VEGFC: variants seen among roughly 807,000 people sequenced by gnomAD.
VEGFC encodes FLT4 ligand DHM.
A neutral mutation model predicts 46.1 loss-of-function variants in VEGFC; 12 were observed. The observed-to-expected ratio is 0.26, with a 90% CI of 0.17 to 0.42. VEGFC has a LOEUF of 0.42. Ranked by LOEUF, VEGFC falls within the 10% of genes least tolerant of loss-of-function variation. The pLI is 1.00. For missense variants in VEGFC, 488 were observed against 529.4 expected, an observed-to-expected ratio of 0.92 and a Z score of 0.77; for synonymous variants, 232 against 195.5, an observed-to-expected ratio of 1.19 and a Z score of -1.56.
intron 6 of VEGFC, among the ~76,000 whole-genome samples, chr4:176,685,790 T>C (rs573710939): frequency 2.0e-5 from 3 of 152,232 alleles, no homozygotes; most frequent in East Asian, 3.9e-4. Flanking sequence ...AAAATAAAAT[T>C]ATACCTATGA....
chr4:176,727,871 T>C lies in VEGFC; in HGVS notation c.459A>G (p.Lys153=). The change falls in exon 3 of 7, where the codon AAA becomes AAG. Residue 153 remains lysine (K), a synonymous_variant. Transcript: ENST00000618562. ...ATCTGTAGACGGACACACATGGAGG[T>C]TTAAAGAAGGTGTTTGTCGCGACTC... ...EFGVATNTFF[K]PPCVSVYRCG... 6.2e-7 allele frequency: 1 copy of C among 1,612,854 alleles called. No homozygotes were observed. The highest frequency in any genetic ancestry group is 8.5e-7 in the Non-Finnish European group (1 of 1,179,556).
At chr4:176,720,397 AT>A (rs1228403768) in intron 3 of VEGFC, among the ~76,000 whole-genome samples, 3 of 152,174 alleles carry the variant, frequency 2.0e-5, no homozygotes, top group Non-Finnish European at 4.4e-5. Flanking sequence ...AAATCAGCAT[AT>A]TCAAAATTTG....
chr4:176,726,029 T>C (rs1734868940), intron 3 of VEGFC, among the ~76,000 whole-genome samples: 1 of 152,142 alleles, frequency 6.6e-6, no homozygotes, highest in Non-Finnish European at 1.5e-5. Flanking sequence ...TAAAGTAGTA[T>C]TAATTTATTT....
At position 176,792,527 on chromosome 4, in the gene VEGFC, C is replaced by T; in HGVS notation, c.-216G>A. The T allele has an allele frequency of 2.5e-6, 1 of 400,046 alleles. No homozygotes were observed. Among genetic ancestry groups the T allele is most frequent in the South Asian group, 8.4e-5 (1 of 11,940 alleles). 24.8% of individuals were successfully genotyped at this position (400,046 alleles called of 1,614,324 possible). ...CCCAGCCAGTGCCGGGGAAAGGCGGCGGGTGTCAGGTAAAAGCCTCACAGG... is the reference window on the plus strand; with the variant it reads ...CCCAGCCAGTGCCGGGGAAAGGCGGTGGGTGTCAGGTAAAAGCCTCACAGG... On this transcript the variant is annotated 5_prime_UTR_variant, in exon 1 of 7. Transcript: ENST00000618562. This position sits in a 1 kb window ranked among gnomAD's most constrained non-coding sequence, Gnocchi z 6.3.
chr4:176,753,903 T>G (rs1735390180), intron 1 of VEGFC, among the ~76,000 whole-genome samples: 1 of 152,134 alleles, frequency 6.6e-6, no homozygotes, highest in African/African-American at 2.4e-5. Context: ...CACTATTATT[T>G]GCTAACAAAG....
At chr4:176,712,855 T>C (rs1307074323) in intron 3 of VEGFC, among the ~76,000 whole-genome samples, 2 of 152,356 alleles carry the variant, frequency 1.3e-5, no homozygotes, top group South Asian at 2.1e-4. Context: ...ATTCCTTATA[T>C]ATTCATTTAA....
intron 1 of VEGFC, among the ~76,000 whole-genome samples, chr4:176,743,370 AC>A (rs1225317516): frequency 4.6e-4 from 70 of 152,132 alleles, no homozygotes; most frequent in African/African-American, 1.5e-3. Context: ...ATTAATAAAA[AC>A]TGAAATAATG....
At chr4:176,687,718 T>C in intron 5 of VEGFC, 103 bp downstream of exon 5, 4 of 1,063,688 alleles carry the variant, frequency 3.8e-6, no homozygotes, top group Non-Finnish European at 5.4e-6. Context: ...TAGTCACTTA[T>C]TTAGAAGAAT....
At chr4:176,754,134 G>A (rs565794216) in intron 1 of VEGFC, among the ~76,000 whole-genome samples, 9 of 151,896 alleles carry the variant, frequency 5.9e-5, no homozygotes, top group East Asian at 3.9e-4. Flanking sequence ...CTCGAATTTC[G>A]AATTCTTTCA....
chr4:176,784,254 A>G lies in VEGFC; in HGVS notation c.147+7911T>C, dbSNP rs185415009. 7.3e-5 allele frequency among the ~76,000 whole-genome samples: 11 copies of G among 151,634 alleles called. No individual in the cohort carries two copies. The East Asian group carries it at 1.8e-3, about 24-fold the overall frequency. Reference sequence around the variant, plus strand: ...CAGTTAATTTTTCTATTTTTTGTAGAGATAGGGTTTTCCCCATGTTGCTCA... The same window carrying G: ...CAGTTAATTTTTCTATTTTTTGTAGGGATAGGGTTTTCCCCATGTTGCTCA... On this transcript the variant is annotated intron_variant, in intron 1 of 6. Coordinates refer to ENST00000618562, the MANE Select transcript of VEGFC (RefSeq NM_005429.5).
intron 4 of VEGFC, among the ~76,000 whole-genome samples, chr4:176,700,478 T>C (rs1734408574): frequency 6.6e-6 from 1 of 152,102 alleles, no homozygotes; most frequent in African/African-American, 2.4e-5. Flanking sequence ...AACTAAGCAG[T>C]AATCTGCCAC....
intron 1 of VEGFC, among the ~76,000 whole-genome samples, chr4:176,783,423 C>A: frequency 6.6e-6 from 1 of 151,884 alleles, no homozygotes; most frequent in African/African-American, 2.4e-5. Context: ...TTTTTTGTGG[C>A]AATAATATAG....
rs141917389 is a variant in VEGFC, at chr4:176,785,507, A to G, written c.147+6658T>C. On this transcript the variant is annotated intron_variant, in intron 1 of 6. Coordinates refer to ENST00000618562, the MANE Select transcript of VEGFC (RefSeq NM_005429.5). ...AAAAAAACCTTTTATAAGAACAGCC[A>G]AAGTATTTATATTGTTTATTTGGTA... is the stretch of plus-strand genomic sequence containing the variant. 2.1e-3 allele frequency among the ~76,000 whole-genome samples: 324 copies of G among 152,350 alleles called. 2 individuals are homozygous for G. The highest frequency in any genetic ancestry group is 7.1e-3 in the African/African-American group (297 of 41,588).
At chr4:176,748,758 G>A (rs919546026) in intron 1 of VEGFC, among the ~76,000 whole-genome samples, 4 of 151,792 alleles carry the variant, frequency 2.6e-5, no homozygotes, top group Non-Finnish European at 5.9e-5. Flanking sequence ...CCAAAGTAAA[G>A]TGATATGAAC....
intron 1 of VEGFC, among the ~76,000 whole-genome samples, chr4:176,762,763 T>C (rs1388056879): frequency 6.6e-6 from 1 of 152,106 alleles, no homozygotes; most frequent in Non-Finnish European, 1.5e-5. Context: ...TAAAGTGAAA[T>C]AATTCAGAGA....
chr4:176,790,976 A>C (rs1736080756), intron 1 of VEGFC, among the ~76,000 whole-genome samples: 2 of 152,206 alleles, frequency 1.3e-5, no homozygotes, highest in South Asian at 4.1e-4. Flanking sequence ...TTAAATTATT[A>C]CACATTCCAA....
At position 176,687,824 on chromosome 4, in the gene VEGFC, C is replaced by T. The variant is rs756289194; in HGVS notation, c.808G>A (p.Asp270Asn). Residue 270 changes from aspartate (D) to asparagine (N), a missense_variant, in exon 5 of 7, where the codon GAT becomes AAT. Transcript: ENST00000618562. The part of the protein sequence containing the change: ...EDFMFSSDAG[D>N]DSTDGFHDIC... ...TTTAAAGCATCATTCTGCTTACCAT[C>T]TCCAGCATCCGAGGAAAACATAAAA... is the stretch of plus-strand genomic sequence containing the variant. The T allele has an allele frequency of 2.5e-6, 4 of 1,605,894 alleles. No homozygotes were observed. Among genetic ancestry groups the T allele is most frequent in the Non-Finnish European group, 3.4e-6 (4 of 1,174,592 alleles).
At chr4:176,701,691 G>A (rs1477902918) in intron 4 of VEGFC, among the ~76,000 whole-genome samples, 1 of 152,144 alleles carries the variant, frequency 6.6e-6, no homozygotes, top group African/African-American at 2.4e-5. Context: ...TTTAGATAAT[G>A]AGCTTTATAG....
intron 3 of VEGFC, among the ~76,000 whole-genome samples, chr4:176,725,312 T>C (rs1386985744): frequency 6.6e-6 from 1 of 152,162 alleles, no homozygotes; most frequent in Non-Finnish European, 1.5e-5. Flanking sequence ...GTGGGGTTTT[T>C]TTGTTTTTGA....
Sources: gnomAD v4.1 joint callset for allele counts (sites outside exome capture counted in the v4.1 genomes callset) on GRCh38, gnomAD v4.1.1 for gene constraint, Gnocchi (gnomAD v3.1) non-coding constraint, MANE v1.5 for transcripts, NCBI Gene and HGNC (gene_info 2026-07-23, HGNC 2026-07-21) for gene names.